PRKCZ: variants seen among roughly 807,000 people sequenced by gnomAD.
PRKCZ encodes protein kinase C zeta type.
Under a neutral mutation model 79.5 loss-of-function variants are expected in PRKCZ, and 33 were observed. The observed-to-expected ratio is 0.41, with a 90% CI of 0.31 to 0.55. The LOEUF (loss-of-function observed/expected upper bound fraction) is 0.55, where lower values mean the gene tolerates loss of function less well. Among genes scored for constraint, PRKCZ ranks in the 20% least tolerant of loss-of-function variants. The pLI, the probability that PRKCZ is intolerant of heterozygous loss-of-function variation, is 0.19. For missense variants in PRKCZ, 578 were observed against 813.5 expected (o/e 0.71, Z 3.52); for synonymous variants, 342 against 320.9 (o/e 1.07, Z -0.70).
chr1:2,081,562 C>T (rs962963448), intron 4 of PRKCZ, among the ~76,000 whole-genome samples: 20 of 152,150 alleles, frequency 1.3e-4, no homozygotes, highest in South Asian at 4.1e-4. Flanking sequence ...GTACTGCAGC[C>T]GGAGCTCCAG....
At chr1:2,145,791 C>T (rs1221602425) in intron 6 of PRKCZ, among the ~76,000 whole-genome samples, 4 of 152,118 alleles carry the variant, frequency 2.6e-5, no homozygotes, top group Non-Finnish European at 4.4e-5. Flanking sequence ...TGGTGCGCAC[C>T]TGTAGTGCCC....
At chr1:2,135,593 T>G (rs1361192256) in intron 5 of PRKCZ, among the ~76,000 whole-genome samples, 4 of 152,248 alleles carry the variant, frequency 2.6e-5, no homozygotes, top group Non-Finnish European at 4.4e-5. Flanking sequence ...TGTGTCTGCC[T>G]GGCTGTGTGA....
intron 5 of PRKCZ, among the ~76,000 whole-genome samples, chr1:2,138,754 G>A (rs1293813474): frequency 6.6e-6 from 1 of 152,138 alleles, no homozygotes; most frequent in Non-Finnish European, 1.5e-5. Flanking sequence ...GGCCAACATG[G>A]TGAAACCCAT....
chr1:2,121,057 G>A (rs1453738453), intron 4 of PRKCZ, among the ~76,000 whole-genome samples: 3 of 151,860 alleles, frequency 2.0e-5, no homozygotes, highest in African/African-American at 7.3e-5. Flanking sequence ...TGGGTGATCC[G>A]TTTGCCTCAG....
At chr1:2,145,675 A>G (rs935154588) in intron 6 of PRKCZ, among the ~76,000 whole-genome samples, 6 of 152,188 alleles carry the variant, frequency 3.9e-5, no homozygotes, top group Non-Finnish European at 5.9e-5. Context: ...ACACTTTGGG[A>G]GGCCAAGGTG....
At chr1:2,150,242 A>G (rs1679607381) in intron 8 of PRKCZ, among the ~76,000 whole-genome samples, 1 of 151,058 alleles carries the variant, frequency 6.6e-6, no homozygotes, top group Non-Finnish European at 1.5e-5. Context: ...CTCCACCCCG[A>G]CCTCCTTGCC....
rs572611854 is a variant in PRKCZ at position 2,140,632 on chromosome 1, G to C, written c.421-3578G>C. The stretch of plus-strand genomic sequence containing the variant: ...AGAACATGCCACTGTACTCCAGCTT[G>C]GGTGACAGAGTGAGACTCCGTCTCA... On this transcript the variant is annotated intron_variant, in intron 5 of 17. Coordinates refer to ENST00000378567, the MANE Select transcript of PRKCZ (RefSeq NM_002744.6). 5.9e-5 allele frequency among the ~76,000 whole-genome samples: 9 copies of C among 151,958 alleles called. No individual in the cohort carries two copies. In the East Asian group the frequency reaches 1.4e-3, roughly 23 times the overall value.
chr1:2,055,734 C>G lies in PRKCZ; in HGVS notation c.193+172C>G. 3 of 990,584 alleles carry G rather than the reference C, an allele frequency of 3.0e-6. No individual in the cohort carries two copies. The East Asian group carries it at 8.4e-5, about 28-fold the overall frequency. The allele number at this position is 990,584 out of a possible 1,614,324, so 61.4% of individuals were successfully genotyped here. A position where few individuals can be genotyped will look rare whatever the true frequency, so the allele number is the denominator to read the frequency against. On this transcript the variant is annotated intron_variant, in intron 2 of 17. Coordinates refer to ENST00000378567, the MANE Select transcript of PRKCZ (RefSeq NM_002744.6). ...GGGATGGTGGGAAAGAGGTTGGCCA[C>G]AGATGCTTATCAAGGACCTGGGCCC...
chr1:2,133,565 C>G (rs1318719806), intron 4 of PRKCZ: 8 of 149,318 alleles, frequency 5.4e-5, no homozygotes, highest in Admixed American at 5.3e-4. Flanking sequence ...TTGGCTCCGC[C>G]CCGCACTGTG....
intron 4 of PRKCZ, among the ~76,000 whole-genome samples, chr1:2,083,425 C>T (rs541582705): frequency 2.6e-5 from 4 of 152,156 alleles, no homozygotes; most frequent in South Asian, 2.1e-4. Context: ...AAATTTAGAA[C>T]GAGGAATATT....
chr1:2,145,873 G>T (rs996851222), intron 6 of PRKCZ, among the ~76,000 whole-genome samples, 154 bp from the exon 7 acceptor site: 1 of 152,214 alleles, frequency 6.6e-6, no homozygotes, highest in Admixed American at 6.5e-5. Flanking sequence ...CCGTGATCGC[G>T]CCACTGCTCT....
At chr1:2,087,680 C>T (rs1007568417) in intron 4 of PRKCZ, among the ~76,000 whole-genome samples, 7 of 152,058 alleles carry the variant, frequency 4.6e-5, no homozygotes, top group East Asian at 3.9e-4. Flanking sequence ...AGCAGAAAGA[C>T]GTGAAGAGAG....
Position 2,177,267 on chromosome 1 carries a change from G to C in PRKCZ, c.1575+1954G>C, listed in dbSNP as rs529236355. Among the ~76,000 whole-genome samples the C allele has an allele frequency of 3.9e-5, 6 of 152,274 alleles. No individual in the cohort carries two copies. Among genetic ancestry groups the C allele is most frequent in the Non-Finnish European group, 4.4e-5 (3 of 68,010 alleles). On this transcript the variant is annotated intron_variant, in intron 16 of 17. Transcript: ENST00000378567. The surrounding 1 kb of genome is among the most constrained non-coding windows in gnomAD (Gnocchi z 6.4). ...GTCCAGGTACCACCCGGCTGAACCC[G>C]TAGCAGGTGCTTAGTAGAATTACGT...
Position 2,168,531 on chromosome 1 carries a change from A to C in PRKCZ, c.975-987A>C, listed in dbSNP as rs1323919002. On this transcript the variant is annotated intron_variant, in intron 10 of 17. Transcript: ENST00000378567. This position sits in a 1 kb window ranked among gnomAD's most constrained non-coding sequence, Gnocchi z 4.7. ...GAGTTTGTTTCCAATCAGAAACTTC[A>C]CAGATGATTTGCAGCCAGTTCACCT... Among the ~76,000 whole-genome samples, 2 of 152,192 alleles carry C rather than the reference A, an allele frequency of 1.3e-5. No individual in the cohort carries two copies. Among genetic ancestry groups the C allele is most frequent in the Non-Finnish European group, 2.9e-5 (2 of 68,032 alleles).
At chr1:2,103,638 G>A (rs547906313) in intron 4 of PRKCZ, among the ~76,000 whole-genome samples, 32 of 152,382 alleles carry the variant, frequency 2.1e-4, no homozygotes, top group African/African-American at 7.2e-4. Context: ...GCCTAGCTAC[G>A]AGGGAGGATC....
In PRKCZ at chr1:2,165,717, C is replaced by A. The variant is rs886671405; in HGVS notation, c.975-3801C>A. Among the ~76,000 whole-genome samples the A allele has an allele frequency of 6.6e-6, 1 of 152,186 alleles. No homozygotes were observed. The highest frequency in any genetic ancestry group is 2.4e-5 in the African/African-American group (1 of 41,454). ...TCTGTACACACATGGTGGTGGCCCG[C>A]CCGGACCCATCTGGTTAATTCTTGA... On this transcript the variant is annotated intron_variant, in intron 10 of 17. Coordinates refer to ENST00000378567, the MANE Select transcript of PRKCZ (RefSeq NM_002744.6). This position sits in a 1 kb window ranked among gnomAD's most constrained non-coding sequence, Gnocchi z 4.1.
chr1:2,117,121 G>A (rs1670903192), intron 4 of PRKCZ, among the ~76,000 whole-genome samples: 2 of 152,022 alleles, frequency 1.3e-5, no homozygotes, highest in East Asian at 1.9e-4. Flanking sequence ...AGCTATTTTG[G>A]CATTTTTTTG....
At chr1:2,175,122 C>T (rs1685187545) in intron 15 of PRKCZ, 102 bp from the exon 16 acceptor site, 15 of 999,858 alleles carry the variant, frequency 1.5e-5, no homozygotes, top group Middle Eastern at 2.1e-4. Flanking sequence ...GTCAGAGCAT[C>T]GGGGGAGGGC....
At chr1:2,104,958 G>A (rs1668122519) in intron 4 of PRKCZ, 1 of 982,398 alleles carries the variant, frequency 1.0e-6, no homozygotes, top group Non-Finnish European at 1.2e-6. Flanking sequence ...TCAGGAGGGC[G>A]CGGCCGGCCT....
Sources: allele counts gnomAD v4.1 joint callset (sites outside exome capture counted in the v4.1 genomes callset), GRCh38; gene constraint gnomAD v4.1.1; non-coding constraint Gnocchi (gnomAD v3.1); transcripts MANE v1.5; gene names NCBI Gene and HGNC (gene_info 2026-07-23, HGNC 2026-07-21).